INSL6: variants seen among roughly 807,000 people sequenced by gnomAD.
INSL6 encodes insulin like 6.
INSL6 carries 16 observed loss-of-function variants against 9.4 expected under a neutral mutation model. The observed-to-expected ratio is 1.70, with a 90% CI of 1.15 to 2.59. The LOEUF is 2.59. INSL6 is among the 30% of genes most tolerant of loss of function. The probability of loss-of-function intolerance (pLI) is 0.00; values close to 1 mark genes in which losing one functional copy is unlikely to be tolerated. For missense variants in INSL6, 391 were observed against 257.3 expected (o/e 1.52, Z -3.56); for synonymous variants, 154 against 96.9 (o/e 1.59, Z -3.46).
chr9:5,068,063 G>C, the INSL6 span, among the ~76,000 whole-genome samples: 5 of 152,004 alleles, frequency 3.3e-5, no homozygotes, highest in African/African-American at 1.2e-4. Flanking sequence ...GGGAGGCTGA[G>C]GTAGGAGAAG....
At chr9:5,128,385 A>G (rs1379343593) in intron 3 of INSL6, among the ~76,000 whole-genome samples, 2 of 151,822 alleles carry the variant, frequency 1.3e-5, no homozygotes, top group Admixed American at 1.3e-4. Flanking sequence ...TTTTTTTGAA[A>G]GTTTAATTTT....
chr9:5,088,191 A>G, the INSL6 span, among the ~76,000 whole-genome samples: 1 of 152,172 alleles, frequency 6.6e-6, no homozygotes, highest in Non-Finnish European at 1.5e-5. Flanking sequence ...TTGTGGATCA[A>G]TATTCTAGTT....
At chr9:5,005,609 T>A in the INSL6 span, among the ~76,000 whole-genome samples, 1 of 152,340 alleles carries the variant, frequency 6.6e-6, no homozygotes, top group African/African-American at 2.4e-5. Context: ...TGAGAGAGAT[T>A]CCAGTGTAAT....
At chr9:5,089,962 A>C in the INSL6 span, 1 of 730,224 alleles carries the variant, frequency 1.4e-6, no homozygotes, top group South Asian at 5.3e-5. Context: ...ACTTATGCCA[A>C]TGCCCAGAGG....
chr9:5,165,021 A>G (rs1825019665), intron 1 of INSL6, among the ~76,000 whole-genome samples: 1 of 152,230 alleles, frequency 6.6e-6, no homozygotes, highest in Non-Finnish European at 1.5e-5. Flanking sequence ...CAGCTTCGCC[A>G]ACATGGCGAA....
chr9:5,087,823 C>A, the INSL6 span, among the ~76,000 whole-genome samples: 1 of 152,104 alleles, frequency 6.6e-6, no homozygotes, highest in East Asian at 1.9e-4. Flanking sequence ...GAGATGTACA[C>A]AAATATTTAT....
chr9:5,108,697 AC>A, the INSL6 span: 4 of 151,666 alleles, frequency 2.6e-5, no homozygotes, highest in Non-Finnish European at 5.9e-5. Flanking sequence ...TATATAGCCT[AC>A]CCCTTCCTCA....
chr9:5,184,887 G>T (rs910290616), intron 1 of INSL6, among the ~76,000 whole-genome samples: 2 of 152,132 alleles, frequency 1.3e-5, no homozygotes, highest in Admixed American at 1.3e-4. Flanking sequence ...TCTTCTACAA[G>T]GTTGGGCTGA....
chr9:5,019,454 A>G, the INSL6 span, among the ~76,000 whole-genome samples: 2 of 151,710 alleles, frequency 1.3e-5, no homozygotes, highest in African/African-American at 4.8e-5. Flanking sequence ...GTTTCTTTGT[A>G]TTGTTTATCT....
intron 2 of INSL6, among the ~76,000 whole-genome samples, chr9:5,139,164 T>C (rs1415420766): frequency 1.3e-5 from 2 of 152,222 alleles, no homozygotes; most frequent in African/African-American, 2.4e-5. Flanking sequence ...AATGTGCTCT[T>C]CTTCTTTGAC....
chr9:5,172,375 A>C (rs186935232), intron 1 of INSL6, among the ~76,000 whole-genome samples: 39 of 152,352 alleles, frequency 2.6e-4, no homozygotes, highest in Middle Eastern at 6.8e-3. Flanking sequence ...AGATCTAGGC[A>C]ATGCTATTCA....
At chr9:5,001,192 AT>A in the INSL6 span, among the ~76,000 whole-genome samples, 1 of 152,192 alleles carries the variant, frequency 6.6e-6, no homozygotes, top group Non-Finnish European at 1.5e-5. Flanking sequence ...CTTTTATTTC[AT>A]TTTCTTACCA....
At chr9:5,157,491 C>T (rs1022337287) in intron 2 of INSL6, among the ~76,000 whole-genome samples, 1 of 151,926 alleles carries the variant, frequency 6.6e-6, no homozygotes, top group African/African-American at 2.4e-5. Context: ...CCTTTACAAT[C>T]AATTTGCTGG....
At chr9:5,004,007 A>T in the INSL6 span, among the ~76,000 whole-genome samples, 43 of 152,192 alleles carry the variant, frequency 2.8e-4, no homozygotes, top group East Asian at 7.7e-4. Context: ...TATTTAAAAA[A>T]TTTTTTTCTA....
At chr9:5,162,015 G>C (rs1381485459), downstream of INSL6, among the ~76,000 whole-genome samples, 1 of 151,962 alleles carries the variant, frequency 6.6e-6, no homozygotes, top group Non-Finnish European at 1.5e-5. Flanking sequence ...GGAGGTTGAG[G>C]GTGTAGTGAG....
the INSL6 span, among the ~76,000 whole-genome samples, chr9:5,068,126 C>T: frequency 2.0e-5 from 3 of 150,652 alleles, no homozygotes; most frequent in African/African-American, 4.9e-5. Flanking sequence ...TGCCACTGCA[C>T]TCCAGCCTGG....
chr9:5,068,549 A>T, the INSL6 span, among the ~76,000 whole-genome samples: 2 of 152,210 alleles, frequency 1.3e-5, no homozygotes, highest in African/African-American at 4.8e-5. Flanking sequence ...ATTCTTAGGT[A>T]GAAAGATAGC....
chr9:4,998,482 C>A, the INSL6 span, among the ~76,000 whole-genome samples: 2 of 152,120 alleles, frequency 1.3e-5, no homozygotes, highest in Non-Finnish European at 2.9e-5. Flanking sequence ...GTCTCGAACT[C>A]CTGACCTCGT....
chr9:5,159,151 A>C (rs932539743), downstream of INSL6, among the ~76,000 whole-genome samples: 1 of 152,168 alleles, frequency 6.6e-6, no homozygotes, highest in African/African-American at 2.4e-5. Context: ...GATACACAAA[A>C]AATCAAAAAG....
Sources: gnomAD v4.1 joint callset for allele counts (sites outside exome capture counted in the v4.1 genomes callset) on GRCh38, gnomAD v4.1.1 for gene constraint, MANE v1.5 for transcripts, NCBI Gene and HGNC (gene_info 2026-07-23, HGNC 2026-07-21) for gene names.